ERBB4: variants seen among roughly 807,000 people sequenced by gnomAD.
ERBB4 encodes receptor tyrosine-protein kinase erbB-4.
ERBB4 carries 42 observed loss-of-function variants against 158.0 expected under a neutral mutation model. The observed-to-expected ratio is 0.27, with a 90% confidence interval of 0.21 to 0.34. ERBB4 has a LOEUF of 0.34. Ranked by LOEUF, ERBB4 falls within the 10% of genes least tolerant of loss-of-function variation. The probability of loss-of-function intolerance (pLI) is 1.00; values close to 1 mark genes in which losing one functional copy is unlikely to be tolerated. For synonymous variants in ERBB4, 583 were observed against 558.7 expected (o/e 1.04, Z -0.61); for missense variants, 1,333 against 1,624.1 (o/e 0.82, Z 3.08).
chr2:211,881,847 T>C (rs2078672290), intron 3 of ERBB4, among the ~76,000 whole-genome samples: 1 of 152,134 alleles, frequency 6.6e-6, no homozygotes, highest in South Asian at 2.1e-4. Flanking sequence ...TTGATATTTG[T>C]AGCCATGAGA....
intron 19 of ERBB4, among the ~76,000 whole-genome samples, chr2:211,578,277 C>A (rs901846743): frequency 6.6e-6 from 1 of 152,118 alleles, no homozygotes; most frequent in Non-Finnish European, 1.5e-5. Flanking sequence ...AGGAGAACTA[C>A]AAACCACTGC....
chr2:211,695,371 T>C (rs1217259033), intron 12 of ERBB4, among the ~76,000 whole-genome samples: 1 of 152,186 alleles, frequency 6.6e-6, no homozygotes, highest in Non-Finnish European at 1.5e-5. Context: ...TATAAAAATG[T>C]GTATCCTTTT....
chr2:211,449,402 G>C (rs2064188258), intron 20 of ERBB4, among the ~76,000 whole-genome samples: 1 of 152,074 alleles, frequency 6.6e-6, no homozygotes, highest in African/African-American at 2.4e-5. Context: ...TAAGGCATAG[G>C]GTTTCATTAA....
intron 1 of ERBB4, among the ~76,000 whole-genome samples, chr2:212,221,499 T>C (rs2083289248): frequency 6.6e-6 from 1 of 151,384 alleles, no homozygotes; most frequent in South Asian, 2.1e-4. Flanking sequence ...TCTCACTGAG[T>C]TTCAGAAAGG....
At chr2:211,896,138 T>C (rs1300540077) in intron 3 of ERBB4, among the ~76,000 whole-genome samples, 1 of 152,152 alleles carries the variant, frequency 6.6e-6, no homozygotes, top group Non-Finnish European at 1.5e-5. Flanking sequence ...GTTGACAAAA[T>C]ATGTCTAGCC....
At chr2:211,651,658 G>A (rs181478639) in intron 16 of ERBB4, among the ~76,000 whole-genome samples, 4 of 151,438 alleles carry the variant, frequency 2.6e-5, no homozygotes, top group Admixed American at 6.6e-5. Context: ...AGAATAAGAC[G>A]GATCTGAAAC....
chr2:211,510,229 C>T lies in ERBB4; in HGVS notation c.2487+51674G>A, dbSNP rs534712208. Among the ~76,000 whole-genome samples the T allele has an allele frequency of 2.6e-5, 4 of 152,238 alleles. No individual in the cohort carries two copies. In the South Asian group the frequency reaches 8.3e-4, roughly 32 times the overall value. On this transcript the variant is annotated intron_variant, in intron 20 of 27. Transcript: ENST00000342788. ...GGTTGGATAAAGAAAATAAGTACCA[C>T]ATGTTCTCACTTATAAGTGGCAGCT...
At chr2:212,495,434 C>G (rs1300337765) in intron 1 of ERBB4, among the ~76,000 whole-genome samples, 3 of 152,092 alleles carry the variant, frequency 2.0e-5, no homozygotes, top group Admixed American at 6.6e-5. Context: ...AATTATGAAC[C>G]TACTATTTTA....
chr2:212,094,263 A>AAAT (rs1001565170), intron 2 of ERBB4, among the ~76,000 whole-genome samples: 1 of 149,862 alleles, frequency 6.7e-6, no homozygotes, highest in Admixed American at 6.7e-5. Context: ...TAATAATAAA[A>AAAT]AATAATAATA....
intron 1 of ERBB4, among the ~76,000 whole-genome samples, chr2:212,499,533 T>C (rs1690765800): frequency 6.6e-6 from 1 of 152,108 alleles, no homozygotes. Context: ...GCAACAGCTG[T>C]TGCAGTAGCT....
intron 19 of ERBB4, among the ~76,000 whole-genome samples, chr2:211,608,620 A>G (rs1005843074): frequency 3.0e-4 from 45 of 152,286 alleles, no homozygotes; most frequent in Middle Eastern, 3.4e-3. Context: ...TGGTTCTAGA[A>G]AATCTTCGGA....
intron 2 of ERBB4, among the ~76,000 whole-genome samples, chr2:211,995,900 G>T (rs902704456): frequency 1.3e-5 from 2 of 152,268 alleles, no homozygotes; most frequent in African/African-American, 4.8e-5. Context: ...AATGGATACT[G>T]TTGAATTAAT....
At chr2:211,702,489 G>GTAT (rs1297171725) in intron 11 of ERBB4, among the ~76,000 whole-genome samples, 1 of 152,000 alleles carries the variant, frequency 6.6e-6, no homozygotes, top group African/African-American at 2.4e-5. Context: ...ATGAAATCCT[G>GTAT]TATTAACACT....
At chr2:211,443,218 A>G (rs2064029810) in intron 20 of ERBB4, among the ~76,000 whole-genome samples, 1 of 152,138 alleles carries the variant, frequency 6.6e-6, no homozygotes, top group Non-Finnish European at 1.5e-5. Context: ...AATTAAAAAT[A>G]AAGGAAGAGG....
intron 2 of ERBB4, among the ~76,000 whole-genome samples, chr2:212,012,175 A>C (rs898163877): frequency 7.2e-5 from 11 of 152,166 alleles, no homozygotes; most frequent in African/African-American, 2.7e-4. Context: ...TTGTCTTTGG[A>C]ATCCTTTTCA....
At chr2:212,408,203 C>T (rs1389285540) in intron 1 of ERBB4, among the ~76,000 whole-genome samples, 1 of 151,894 alleles carries the variant, frequency 6.6e-6, no homozygotes, top group African/African-American at 2.4e-5. Context: ...GTATTAAGCC[C>T]AGCATGCATT....
intron 1 of ERBB4, among the ~76,000 whole-genome samples, chr2:212,181,538 T>C (rs574925049): frequency 6.6e-6 from 1 of 151,862 alleles, no homozygotes; most frequent in South Asian, 2.1e-4. Context: ...ATCATATACA[T>C]ATGTTTATCA....
chr2:211,682,211 GA>G (rs1270809031), intron 12 of ERBB4, among the ~76,000 whole-genome samples: 1 of 152,054 alleles, frequency 6.6e-6, no homozygotes, highest in Non-Finnish European at 1.5e-5. Flanking sequence ...GATCTGAGAG[GA>G]CTGATGATAA....
chr2:212,315,597 G>A (rs1448700446), intron 1 of ERBB4, among the ~76,000 whole-genome samples: 1 of 151,404 alleles, frequency 6.6e-6, no homozygotes, highest in East Asian at 2.0e-4. Flanking sequence ...TACAGTTATA[G>A]TTTCTTGTTT....
Sources: allele counts gnomAD v4.1 joint callset (sites outside exome capture counted in the v4.1 genomes callset), GRCh38; gene constraint gnomAD v4.1.1; transcripts MANE v1.5; gene names NCBI Gene and HGNC (gene_info 2026-07-23, HGNC 2026-07-21).